Variants in RABGAP1L observed in about 807,000 individuals in gnomAD.
RABGAP1L encodes rab GTPase-activating protein 1-like.
A neutral mutation model predicts 137.7 loss-of-function variants in RABGAP1L; 63 were observed. That is an observed-to-expected ratio of 0.46 (90% CI 0.37 to 0.56). RABGAP1L has a LOEUF of 0.56. Ranked by LOEUF, RABGAP1L falls within the 20% of genes least tolerant of loss-of-function variation. The probability of loss-of-function intolerance (pLI) is 0.00; values close to 1 mark genes in which losing one functional copy is unlikely to be tolerated. For missense variants in RABGAP1L, 1,095 were observed against 1,244.0 expected (o/e 0.88, Z 1.80); for synonymous variants, 431 against 433.7 (o/e 0.99, Z 0.08).
At chr1:174,780,585 A>G (rs890640559) in intron 18 of RABGAP1L, among the ~76,000 whole-genome samples, 1 of 149,246 alleles carries the variant, frequency 6.7e-6, no homozygotes, top group Non-Finnish European at 1.5e-5. Context: ...TATTTTTATT[A>G]TACTTTAAGT....
intron 13 of RABGAP1L, among the ~76,000 whole-genome samples, chr1:174,431,627 A>G (rs1320152683): frequency 6.6e-6 from 1 of 152,200 alleles, no homozygotes; most frequent in Non-Finnish European, 1.5e-5. Flanking sequence ...AGGACAGCAA[A>G]TTAGAACAGG....
intron 19 of RABGAP1L, among the ~76,000 whole-genome samples, chr1:174,930,252 C>T (rs1663570795): frequency 6.6e-6 from 1 of 151,914 alleles, no homozygotes; most frequent in Non-Finnish European, 1.5e-5. Flanking sequence ...AACTCCTGGC[C>T]TCTAGCAATC....
At chr1:174,272,388 T>C in intron 7 of RABGAP1L, 26 bp from the exon 8 acceptor site, 1 of 1,600,044 alleles carries the variant, frequency 6.2e-7, no homozygotes, top group Non-Finnish European at 8.5e-7. Context: ...ACCTTATTTC[T>C]CCTTTTTTTC....
At chr1:174,792,095 G>A (rs1484167068) in intron 18 of RABGAP1L, among the ~76,000 whole-genome samples, 1 of 152,194 alleles carries the variant, frequency 6.6e-6, no homozygotes, top group Non-Finnish European at 1.5e-5. Flanking sequence ...CCGTGCATCT[G>A]TGCTCTGAAT....
intron 13 of RABGAP1L, among the ~76,000 whole-genome samples, chr1:174,546,894 G>T (rs1666054019): frequency 6.6e-6 from 1 of 151,302 alleles, no homozygotes; most frequent in South Asian, 2.1e-4. Flanking sequence ...GCCGGGCGTG[G>T]TGGCGGGCAC....
At chr1:174,899,700 G>C (rs1387057217) in intron 19 of RABGAP1L, among the ~76,000 whole-genome samples, 2 of 152,046 alleles carry the variant, frequency 1.3e-5, no homozygotes, top group Non-Finnish European at 2.9e-5. Flanking sequence ...ATTTTAGTCA[G>C]TATTTTGGAG....
chr1:174,500,606 A>AG (rs1039354549), intron 13 of RABGAP1L, among the ~76,000 whole-genome samples: 4 of 152,222 alleles, frequency 2.6e-5, no homozygotes, highest in Non-Finnish European at 1.5e-5. Context: ...GTATTATAGA[A>AG]GTAGGGTATA....
intron 1 of RABGAP1L, among the ~76,000 whole-genome samples, chr1:174,189,360 A>T (rs762897192): frequency 2.6e-4 from 39 of 152,202 alleles, no homozygotes; most frequent in Non-Finnish European, 5.3e-4. Flanking sequence ...CTGTGGTTTA[A>T]TGAAGCCACA....
chr1:174,206,607 A>G (rs1435868212), intron 1 of RABGAP1L, among the ~76,000 whole-genome samples: 3 of 152,038 alleles, frequency 2.0e-5, no homozygotes, highest in South Asian at 2.1e-4. Context: ...TTAGGTTTCT[A>G]TTTTAGCTCA....
intron 19 of RABGAP1L, among the ~76,000 whole-genome samples, chr1:174,853,084 G>C (rs1453900173): frequency 6.6e-6 from 1 of 151,996 alleles, no homozygotes; most frequent in Non-Finnish European, 1.5e-5. Context: ...GTGGATTGAG[G>C]CATTTAGAGT....
chr1:174,401,848 C>T (rs1027719130), intron 13 of RABGAP1L, among the ~76,000 whole-genome samples: 1 of 152,140 alleles, frequency 6.6e-6, no homozygotes, highest in Non-Finnish European at 1.5e-5. Flanking sequence ...CTGGATACAG[C>T]CATTTCTGCC....
intron 13 of RABGAP1L, among the ~76,000 whole-genome samples, chr1:174,431,510 T>G (rs547880447): frequency 6.6e-6 from 1 of 152,306 alleles, no homozygotes; most frequent in South Asian, 2.1e-4. Context: ...AACTGACAGC[T>G]TAAGCCTGAG....
At position 174,614,706 on chromosome 1, in the gene RABGAP1L, C is replaced by G. The variant is rs550449778; in HGVS notation, c.1711-22669C>G. On this transcript the variant is annotated intron_variant, in intron 13 of 25. Transcript: ENST00000681986. ...TTGGTTCCATTCTCCCCGTCACTTT[C>G]AGGTACACCAATCAGACGTAGATTT... Among the ~76,000 whole-genome samples, 15 of 152,322 alleles carry G rather than the reference C, an allele frequency of 9.8e-5. No individual in the cohort carries two copies. In the East Asian group the frequency reaches 1.5e-3, roughly 16 times the overall value.
At chr1:174,383,387 G>A (rs1278793341) in intron 12 of RABGAP1L, among the ~76,000 whole-genome samples, 1 of 148,740 alleles carries the variant, frequency 6.7e-6, no homozygotes, top group East Asian at 2.0e-4. Flanking sequence ...CCCTCCCCCA[G>A]CCTCACTGCC....
chr1:174,277,037 T>C (rs1250211094), intron 9 of RABGAP1L, among the ~76,000 whole-genome samples: 2 of 152,136 alleles, frequency 1.3e-5, no homozygotes, highest in Non-Finnish European at 2.9e-5. Context: ...AGTAGACTTT[T>C]GGTTACTGAC....
chr1:174,347,381 T>C (rs758754392), intron 11 of RABGAP1L, among the ~76,000 whole-genome samples: 37 of 152,110 alleles, frequency 2.4e-4, no homozygotes, highest in Middle Eastern at 3.4e-3. Context: ...TTTATATATC[T>C]GGGTGCTCCA....
chr1:174,466,944 G>A (rs1427726601), intron 13 of RABGAP1L, among the ~76,000 whole-genome samples: 1 of 152,074 alleles, frequency 6.6e-6, no homozygotes, highest in Non-Finnish European at 1.5e-5. Context: ...GGCTTTATAG[G>A]GATATGTGAA....
At chr1:174,602,762 T>C (rs879627852) in intron 13 of RABGAP1L, among the ~76,000 whole-genome samples, 2 of 152,204 alleles carry the variant, frequency 1.3e-5, no homozygotes, top group Non-Finnish European at 2.9e-5. Flanking sequence ...CCATTGAATT[T>C]TTCAGCTCCA....
At chr1:174,539,780 T>A (rs957089152) in intron 13 of RABGAP1L, among the ~76,000 whole-genome samples, 1 of 152,262 alleles carries the variant, frequency 6.6e-6, no homozygotes, top group African/African-American at 2.4e-5. Flanking sequence ...TATAACAGCA[T>A]GATTTATAAT....
Sources: allele counts gnomAD v4.1 joint callset (sites outside exome capture counted in the v4.1 genomes callset), GRCh38; gene constraint gnomAD v4.1.1; transcripts MANE v1.5; gene names NCBI Gene and HGNC (gene_info 2026-07-23, HGNC 2026-07-21).